Variants in PRKG1 observed in about 807,000 individuals in gnomAD.
PRKG1 encodes protein kinase cGMP-dependent 1, also known as cGMP-dependent protein kinase 1.
PRKG1 carries 35 observed loss-of-function variants against 88.1 expected under a neutral mutation model. The observed-to-expected ratio is 0.40, with a 90% CI of 0.30 to 0.53. The LOEUF is 0.53. Among genes scored for constraint, PRKG1 ranks in the 20% least tolerant of loss-of-function variants. The pLI is 0.59. For missense variants in PRKG1, 540 were observed against 839.8 expected (o/e 0.64, Z 4.41); for synonymous variants, 303 against 292.5 (o/e 1.04, Z -0.37).
Position 52,100,904 on chromosome 10 carries a change from T to C in PRKG1, c.936-32936T>C, listed in dbSNP as rs532916546. ...TTAAAGGAAATAATATTTTCAATGC[T>C]GTTTTCAGCTCTTTCTCATTTGTGG... On this transcript the variant is annotated intron_variant, in intron 7 of 17. Transcript: ENST00000373980. Among the ~76,000 whole-genome samples, 19 of 152,368 alleles carry C rather than the reference T, an allele frequency of 1.2e-4. No individual in the cohort carries two copies. In the South Asian group the frequency reaches 3.5e-3, roughly 28 times the overall value.
intron 5 of PRKG1, among the ~76,000 whole-genome samples, chr10:51,979,410 GTTTTTTT>G (rs61150252): frequency 2.1e-5 from 1 of 47,056 alleles, no homozygotes; most frequent in African/African-American, 8.4e-5. Context: ...ATATTGGTCT[GTTTTTTT>G]TTTTTTTTTT....
intron 7 of PRKG1, among the ~76,000 whole-genome samples, chr10:52,111,695 G>A (rs11594206): frequency 0.17 from 25,654 of 152,128 alleles, 2,588 homozygotes; most frequent in South Asian, 0.28. Context: ...GAAGTTTCCT[G>A]GAGACACTTT....
intron 3 of PRKG1, among the ~76,000 whole-genome samples, chr10:51,555,540 C>T (rs1431023457): frequency 1.3e-5 from 2 of 151,908 alleles, no homozygotes; most frequent in Non-Finnish European, 2.9e-5. Flanking sequence ...ACTATCATCT[C>T]CCAGGCCATA....
intron 3 of PRKG1, among the ~76,000 whole-genome samples, chr10:51,720,640 A>T (rs1157194092): frequency 6.6e-6 from 1 of 152,194 alleles, no homozygotes; most frequent in African/African-American, 2.4e-5. Flanking sequence ...TTGGAACAAC[A>T]TGTGCAACTG....
At chr10:51,699,164 G>A (rs1244485271) in intron 3 of PRKG1, 1 of 1,614,150 alleles carries the variant, frequency 6.2e-7, no homozygotes, top group Non-Finnish European at 8.5e-7. Flanking sequence ...TACTGCTCTG[G>A]TAATCGATTC....
intron 1 of PRKG1, among the ~76,000 whole-genome samples, chr10:51,009,267 G>C (rs749046457): frequency 5.9e-5 from 9 of 152,096 alleles, no homozygotes; most frequent in Non-Finnish European, 1.2e-4. Context: ...ATTTTCTTTG[G>C]TGTATTTATC....
intron 2 of PRKG1, chr10:51,319,872 G>A (rs1427612528): frequency 6.4e-6 from 1 of 157,078 alleles, no homozygotes; most frequent in Non-Finnish European, 1.4e-5. Context: ...GAAAAAGTTT[G>A]TGGAGAGCCA....
At chr10:51,335,832 G>A (rs987514344) in intron 2 of PRKG1, among the ~76,000 whole-genome samples, 9 of 152,274 alleles carry the variant, frequency 5.9e-5, no homozygotes, top group African/African-American at 2.2e-4. Context: ...AGAGAACTAT[G>A]GCTGGTTATA....
chr10:52,044,777 G>T (rs74458273), intron 5 of PRKG1, among the ~76,000 whole-genome samples: 13 of 152,012 alleles, frequency 8.6e-5, no homozygotes, highest in Non-Finnish European at 1.8e-4. Flanking sequence ...TTAATGGATT[G>T]CATAGAACAA....
chr10:51,471,265 C>T (rs190708281), intron 3 of PRKG1, among the ~76,000 whole-genome samples: 1 of 151,824 alleles, frequency 6.6e-6, no homozygotes, highest in African/African-American at 2.4e-5. Flanking sequence ...GGGAAAGAAT[C>T]GCTTGTTATA....
intron 5 of PRKG1, among the ~76,000 whole-genome samples, chr10:52,023,638 G>T (rs1845247145): frequency 6.6e-6 from 1 of 152,180 alleles, no homozygotes; most frequent in Non-Finnish European, 1.5e-5. Context: ...TCTCATTGTG[G>T]TTTTGATTTG....
intron 3 of PRKG1, among the ~76,000 whole-genome samples, chr10:51,474,565 T>C (rs1840140763): frequency 6.6e-6 from 1 of 152,012 alleles, no homozygotes; most frequent in African/African-American, 2.4e-5. Flanking sequence ...GAAACCCTTA[T>C]GGATGTTTCA....
chr10:51,481,981 A>G (rs1200426288), intron 3 of PRKG1, among the ~76,000 whole-genome samples: 1 of 152,188 alleles, frequency 6.6e-6, no homozygotes, highest in Non-Finnish European at 1.5e-5. Context: ...ATTCTGTTGT[A>G]TAACTTGAAG....
chr10:51,324,941 T>A (rs1476257840), intron 2 of PRKG1, among the ~76,000 whole-genome samples: 1 of 152,202 alleles, frequency 6.6e-6, no homozygotes, highest in Admixed American at 6.5e-5. Flanking sequence ...TTTTAGGCTT[T>A]TGAGGAATCG....
At chr10:52,076,532 G>A (rs1846633398) in intron 7 of PRKG1, among the ~76,000 whole-genome samples, 1 of 152,184 alleles carries the variant, frequency 6.6e-6, no homozygotes, top group Non-Finnish European at 1.5e-5. Context: ...ACTCCAGCCT[G>A]GGCAACAGAG....
At chr10:52,289,740 G>A (rs966705380) in intron 16 of PRKG1, among the ~76,000 whole-genome samples, 51 of 152,020 alleles carry the variant, frequency 3.4e-4, no homozygotes, top group African/African-American at 1.2e-3. Flanking sequence ...ATTAAAAAAG[G>A]GAAAAAAAGA....
chr10:51,486,011 A>C (rs1467912132), intron 3 of PRKG1, among the ~76,000 whole-genome samples: 2 of 152,174 alleles, frequency 1.3e-5, no homozygotes, highest in Non-Finnish European at 2.9e-5. Context: ...GTCATTTATC[A>C]ATCTATCCCT....
chr10:52,110,175 C>T (rs1488470264), intron 7 of PRKG1, among the ~76,000 whole-genome samples: 1 of 151,732 alleles, frequency 6.6e-6, no homozygotes, highest in East Asian at 1.9e-4. Context: ...GGTGAAACCC[C>T]GTCTCTACTA....
intron 5 of PRKG1, among the ~76,000 whole-genome samples, chr10:51,962,867 G>C (rs1264039955): frequency 2.6e-5 from 4 of 152,174 alleles, no homozygotes; most frequent in African/African-American, 9.6e-5. Context: ...AATGTTTGAG[G>C]CTACAAGGAA....
Sources: gnomAD v4.1 joint callset for allele counts (sites outside exome capture counted in the v4.1 genomes callset) on GRCh38, gnomAD v4.1.1 for gene constraint, MANE v1.5 for transcripts, NCBI Gene and HGNC (gene_info 2026-07-23, HGNC 2026-07-21) for gene names.